The following E2F5 variants were observed in gnomAD, a reference collection of about 807,000 sequenced individuals.
E2F5 encodes the protein E2F transcription factor 5.
E2F5 carries 23 observed loss-of-function variants against 39.1 expected under a neutral mutation model. That is an observed-to-expected ratio of 0.59 (90% CI 0.42 to 0.83). The LOEUF is 0.83. Ranked by LOEUF, E2F5 falls within the 40% of genes least tolerant of loss-of-function variation. E2F5 has a pLI of 0.00. For missense variants in E2F5, 365 were observed against 406.7 expected (o/e 0.90, Z 0.88); for synonymous variants, 145 against 157.8 (o/e 0.92, Z 0.61).
chr8:85,211,220 TAAAA>T (rs5892938), intron 6 of E2F5, among the ~76,000 whole-genome samples: 4 of 112,496 alleles, frequency 3.6e-5, no homozygotes, highest in African/African-American at 3.5e-5. Flanking sequence ...ACCCTATCTC[TAAAA>T]AAAAAAAAAA....
chr8:85,206,302 TC>T (rs1327047856), intron 4 of E2F5, 82 bp downstream of exon 4: 2 of 1,354,806 alleles, frequency 1.5e-6, no homozygotes, highest in African/African-American at 1.5e-5. Flanking sequence ...TGTGTCCTCA[TC>T]CTGTCATTAT....
intron 7 of E2F5, chr8:85,213,474 G>A (rs1812995445): frequency 5.9e-6 from 1 of 168,830 alleles, no homozygotes; most frequent in Admixed American, 6.9e-5. Context: ...CCCGGGAGTC[G>A]GGAGCTTGCA....
intron 6 of E2F5, among the ~76,000 whole-genome samples, chr8:85,210,891 A>C (rs1001107429): frequency 5.9e-5 from 9 of 152,300 alleles, no homozygotes; most frequent in Middle Eastern, 3.4e-3. Flanking sequence ...ACATTAGAGC[A>C]GGCCTTGAAT....
intron 7 of E2F5, 114 bp from the exon 8 acceptor site, chr8:85,213,639 A>C (rs150908223): frequency 1.9e-6 from 1 of 519,602 alleles, no homozygotes; most frequent in African/African-American, 2.0e-5. Flanking sequence ...ATATTTCAAA[A>C]TACACATTAC....
rs117553521 is a variant in E2F5 at position 85,190,078 on chromosome 8, C to T, written c.235-12069C>T. Among the ~76,000 whole-genome samples the T allele has an allele frequency of 1.5e-3, 235 of 152,308 alleles. 6 individuals are homozygous for T. In the East Asian group the frequency reaches 0.041, roughly 26 times the overall value. ...ACGTTCAGACACCTACAAGATCCTG[C>T]CTAGTCTGGCCCTCCTTCCTCTGCC... On this transcript the variant is annotated intron_variant, in intron 1 of 7. Transcript: ENST00000416274.
At position 85,212,203 on chromosome 8, in the gene E2F5, C is replaced by T. The variant is rs755426627; in HGVS notation, c.930C>T (p.Asp310=). ...GDIIDELMSS[D]VFPLLRLSPT... ...TCATTGATGAGTTAATGTCTTCTGA[C>T]GGTAAGTAGGTTAAAATTTTACTAA... is the stretch of plus-strand genomic sequence containing the variant. Residue 310 remains aspartate (D), a splice_region_variant and synonymous_variant, in exon 7 of 8, where the codon GAC becomes GAT. Coordinates refer to ENST00000416274, the MANE Select transcript of E2F5 (RefSeq NM_001951.4). 2.8e-5 allele frequency: 45 copies of T among 1,605,500 alleles called. No homozygotes were observed. Among genetic ancestry groups the T allele is most frequent in the Middle Eastern group, 1.7e-4 (1 of 6,044 alleles).
At position 85,209,419 on chromosome 8, in the gene E2F5, G is replaced by A. The variant is rs1198615651; in HGVS notation, c.883+10G>A. 2.1e-5 allele frequency: 34 copies of A among 1,586,502 alleles called. 1 individual carries two copies. The highest frequency in any genetic ancestry group is 2.9e-5 in the Non-Finnish European group (34 of 1,166,054). On this transcript the variant is annotated intron_variant, in intron 6 of 7. Coordinates refer to ENST00000416274, the MANE Select transcript of E2F5 (RefSeq NM_001951.4). Reference sequence around the variant, plus strand: ...ACAGATATATCTTCAGGTGGGTTCAGAGCCTTTCTTTTGTAAATTAGAGAG... The same window carrying A: ...ACAGATATATCTTCAGGTGGGTTCAAAGCCTTTCTTTTGTAAATTAGAGAG...
chr8:85,179,965 T>A (rs907695349), intron 1 of E2F5, among the ~76,000 whole-genome samples: 1 of 149,478 alleles, frequency 6.7e-6, no homozygotes, highest in African/African-American at 2.5e-5. Flanking sequence ...CGGCCAAAAA[T>A]CTTACATTGA....
chr8:85,203,451 G>A (rs4150942), intron 3 of E2F5, among the ~76,000 whole-genome samples, 196 bp downstream of exon 3: 101,886 of 151,948 alleles, frequency 0.67, 34,659 homozygotes, highest in Non-Finnish European at 0.7. Flanking sequence ...GTACAGATCC[G>A]TTAGCGTTAT....
intron 1 of E2F5, among the ~76,000 whole-genome samples, chr8:85,178,370 G>A (rs1192635380): frequency 6.6e-6 from 1 of 152,086 alleles, no homozygotes; most frequent in African/African-American, 2.4e-5. Flanking sequence ...ACCCAAAGAG[G>A]TGGAAGTGCT....
chr8:85,213,990 C>G lies in E2F5; in HGVS notation c.*128C>G. On this transcript the variant is annotated 3_prime_UTR_variant, in exon 8 of 8. Coordinates refer to ENST00000416274, the MANE Select transcript of E2F5 (RefSeq NM_001951.4). Reference sequence around the variant, plus strand: ...GTTCACTGATTCTGAAGTGTTCTTCCCTAATACTTTCTTTACTTCACAAAA... The same window carrying G: ...GTTCACTGATTCTGAAGTGTTCTTCGCTAATACTTTCTTTACTTCACAAAA... The G allele has an allele frequency of 1.6e-6, 1 of 633,008 alleles. No homozygotes were observed. The highest frequency in any genetic ancestry group is 2.7e-6 in the Non-Finnish European group (1 of 364,862). The allele number at this position is 633,008 out of a possible 1,614,324, so 39.2% of individuals were successfully genotyped here. A position where few individuals can be genotyped will look rare whatever the true frequency, so the allele number is the denominator to read the frequency against.
chr8:85,200,638 G>C (rs1812676990), intron 1 of E2F5, among the ~76,000 whole-genome samples: 1 of 152,168 alleles, frequency 6.6e-6, no homozygotes, highest in Non-Finnish European at 1.5e-5. Context: ...GGAGTTCTCT[G>C]AGTTACTTCT....
chr8:85,179,911 C>T (rs1309732326), intron 1 of E2F5, among the ~76,000 whole-genome samples: 2 of 152,226 alleles, frequency 1.3e-5, no homozygotes, highest in Admixed American at 6.5e-5. Flanking sequence ...CCACGCGCCT[C>T]GGCCTCCCAA....
At chr8:85,208,144 C>A (rs1246710289) in intron 5 of E2F5, among the ~76,000 whole-genome samples, 2 of 152,132 alleles carry the variant, frequency 1.3e-5, no homozygotes, top group African/African-American at 4.8e-5. Flanking sequence ...GCCTGACCAA[C>A]ATGGTGAAAC....
At chr8:85,180,959 C>T (rs968123813) in intron 1 of E2F5, among the ~76,000 whole-genome samples, 4 of 151,372 alleles carry the variant, frequency 2.6e-5, no homozygotes, top group Admixed American at 2.0e-4. Flanking sequence ...CTCATTGTAA[C>T]CTCCACTTCC....
intron 1 of E2F5, among the ~76,000 whole-genome samples, chr8:85,180,027 G>A (rs548552216): frequency 1.2e-3 from 170 of 141,232 alleles, no homozygotes; most frequent in Non-Finnish European, 1.9e-3. Context: ...GATCGTTAAA[G>A]CCTTTTTTTT....
At chr8:85,189,405 T>C (rs1345538064) in intron 1 of E2F5, among the ~76,000 whole-genome samples, 1 of 152,166 alleles carries the variant, frequency 6.6e-6, no homozygotes, top group East Asian at 1.9e-4. Context: ...GCAGAGTCTC[T>C]GTGACCCAGG....
At chr8:85,204,462 T>C (rs1431681802) in intron 3 of E2F5, among the ~76,000 whole-genome samples, 5 of 143,458 alleles carry the variant, frequency 3.5e-5, no homozygotes, top group Non-Finnish European at 7.5e-5. Context: ...AAACACCTCA[T>C]GTTCTCACTC....
In E2F5 at chr8:85,213,986, C is replaced by G. The variant is rs774838548; in HGVS notation, c.*124C>G. 2.4e-5 allele frequency: 15 copies of G among 637,444 alleles called. No individual in the cohort carries two copies. The highest frequency in any genetic ancestry group is 3.5e-5 in the Non-Finnish European group (13 of 367,662). 39.5% of individuals were successfully genotyped at this position (637,444 alleles called of 1,614,324 possible). On this transcript the variant is annotated 3_prime_UTR_variant, in exon 8 of 8. Coordinates refer to ENST00000416274, the MANE Select transcript of E2F5 (RefSeq NM_001951.4). ...TTTAGTTCACTGATTCTGAAGTGTT[C>G]TTCCCTAATACTTTCTTTACTTCAC...
Sources: gnomAD v4.1 joint callset for allele counts (sites outside exome capture counted in the v4.1 genomes callset) on GRCh38, gnomAD v4.1.1 for gene constraint, MANE v1.5 for transcripts, NCBI Gene and HGNC (gene_info 2026-07-23, HGNC 2026-07-21) for gene names.